KCNH1: variants seen among roughly 807,000 people sequenced by gnomAD.
The protein encoded by KCNH1 is potassium voltage-gated channel subfamily H member 1.
In KCNH1, 27 loss-of-function variants were observed where a neutral mutation model predicts 69.2. The observed-to-expected ratio is 0.39, with a 90% CI of 0.29 to 0.54. The LOEUF is 0.54. Ranked by LOEUF, KCNH1 falls within the 20% of genes least tolerant of loss-of-function variation. The probability of loss-of-function intolerance (pLI) is 0.68; values close to 1 mark genes in which losing one functional copy is unlikely to be tolerated. For missense variants in KCNH1, 798 were observed against 1,261.6 expected, an observed-to-expected ratio of 0.63 and a Z score of 5.57; for synonymous variants, 456 against 487.7, an observed-to-expected ratio of 0.93 and a Z score of 0.86.
At chr1:210,943,500 C>T (rs944618885) in intron 6 of KCNH1, among the ~76,000 whole-genome samples, 7 of 152,070 alleles carry the variant, frequency 4.6e-5, no homozygotes, top group Admixed American at 1.3e-4. Flanking sequence ...CGGCGCACAC[C>T]GCCACGCCCG....
At chr1:210,775,241 A>T in intron 10 of KCNH1, 107 bp downstream of exon 10, 1 of 919,256 alleles carries the variant, frequency 1.1e-6, no homozygotes, top group Non-Finnish European at 1.7e-6. Flanking sequence ...CTTTAGAACC[A>T]ATTACTCTAC....
At chr1:210,888,493 A>G (rs1348251639) in intron 7 of KCNH1, among the ~76,000 whole-genome samples, 2 of 152,180 alleles carry the variant, frequency 1.3e-5, no homozygotes, top group Non-Finnish European at 2.9e-5. Context: ...ATCACAATTA[A>G]AAGAACTAGA....
intron 10 of KCNH1, among the ~76,000 whole-genome samples, chr1:210,742,053 C>A (rs1211328274): frequency 6.6e-6 from 1 of 152,162 alleles, no homozygotes; most frequent in Non-Finnish European, 1.5e-5. Context: ...CAGGAAGTCA[C>A]CTGCTGGAGC....
intron 7 of KCNH1, among the ~76,000 whole-genome samples, chr1:210,914,284 T>C (rs1196662772): frequency 6.6e-6 from 1 of 152,192 alleles, no homozygotes; most frequent in East Asian, 1.9e-4. Context: ...GAGCCCACTA[T>C]GTGTTGGAAG....
At chr1:210,699,650 C>T (rs1681725709) in intron 10 of KCNH1, among the ~76,000 whole-genome samples, 2 of 152,228 alleles carry the variant, frequency 1.3e-5, no homozygotes, top group South Asian at 4.1e-4. Flanking sequence ...CCTTCCTGTG[C>T]TCCACACCCC....
intron 4 of KCNH1, among the ~76,000 whole-genome samples, chr1:211,084,833 A>C (rs1690925000): frequency 6.6e-6 from 1 of 152,216 alleles, no homozygotes; most frequent in Non-Finnish European, 1.5e-5. Flanking sequence ...TTCATGTGTT[A>C]ATTCTATAAA....
chr1:211,097,225 A>C (rs568301420), intron 3 of KCNH1, among the ~76,000 whole-genome samples: 1 of 152,346 alleles, frequency 6.6e-6, no homozygotes, highest in Admixed American at 6.5e-5. Flanking sequence ...GTGGAAAATA[A>C]GTTAGATTAT....
chr1:211,021,341 T>C (rs1231980886), intron 5 of KCNH1, among the ~76,000 whole-genome samples: 1 of 152,036 alleles, frequency 6.6e-6, no homozygotes, highest in African/African-American at 2.4e-5. Flanking sequence ...AAGACCTTAC[T>C]TGATAAACCC....
chr1:210,823,968 TTG>T (rs370600345), intron 7 of KCNH1, among the ~76,000 whole-genome samples: 92,272 of 150,364 alleles, frequency 0.61, 28,183 homozygotes, highest in East Asian at 0.76. Context: ...TTTTTACTTG[TTG>T]TTGTTGTTGT....
At chr1:210,830,575 A>G (rs907972852) in intron 7 of KCNH1, among the ~76,000 whole-genome samples, 1 of 151,876 alleles carries the variant, frequency 6.6e-6, no homozygotes, top group Non-Finnish European at 1.5e-5. Context: ...AAAAGAAACC[A>G]GCTGCTCCAT....
chr1:211,071,784 G>T (rs1690648150), intron 5 of KCNH1, among the ~76,000 whole-genome samples: 1 of 152,074 alleles, frequency 6.6e-6, no homozygotes, highest in African/African-American at 2.4e-5. Flanking sequence ...AAAATTTTCA[G>T]TATACTTATT....
intron 6 of KCNH1, among the ~76,000 whole-genome samples, chr1:210,939,098 A>G (rs1687833341): frequency 6.6e-6 from 1 of 152,140 alleles, no homozygotes; most frequent in South Asian, 2.1e-4. Flanking sequence ...GCCCTCCTCT[A>G]GGCTCCCATG....
At chr1:210,999,561 T>A (rs1689127318) in intron 6 of KCNH1, among the ~76,000 whole-genome samples, 1 of 152,190 alleles carries the variant, frequency 6.6e-6, no homozygotes, top group African/African-American at 2.4e-5. Flanking sequence ...CCAGATGGGT[T>A]CACAGCCAAA....
intron 10 of KCNH1, among the ~76,000 whole-genome samples, chr1:210,754,879 C>G (rs1366531998): frequency 1.4e-5 from 2 of 148,002 alleles, no homozygotes; most frequent in South Asian, 4.4e-4. Flanking sequence ...CACACACACA[C>G]AGACACATAC....
At chr1:210,779,759 G>T (rs1383643288) in intron 9 of KCNH1, among the ~76,000 whole-genome samples, 1 of 152,108 alleles carries the variant, frequency 6.6e-6, no homozygotes, top group East Asian at 1.9e-4. Flanking sequence ...AGGAAAGGCA[G>T]CCTAATTAAA....
intron 7 of KCNH1, among the ~76,000 whole-genome samples, chr1:210,879,635 A>C (rs892045502): frequency 1.3e-5 from 2 of 152,038 alleles, no homozygotes; most frequent in Non-Finnish European, 2.9e-5. Flanking sequence ...TCTACAAAAA[A>C]CCTAAAGCTA....
intron 6 of KCNH1, among the ~76,000 whole-genome samples, chr1:211,003,134 C>T (rs1313484635): frequency 6.6e-6 from 1 of 152,060 alleles, no homozygotes; most frequent in Non-Finnish European, 1.5e-5. Flanking sequence ...GCACACACAG[C>T]CTAAACAAAT....
At chr1:210,915,422 T>A (rs1307238840) in intron 7 of KCNH1, among the ~76,000 whole-genome samples, 4 of 152,190 alleles carry the variant, frequency 2.6e-5, no homozygotes, top group Admixed American at 2.6e-4. Context: ...AGGGCTGGCA[T>A]GGCCTTGTGT....
chr1:210,776,988 C>A (rs1417681370), intron 9 of KCNH1, among the ~76,000 whole-genome samples: 1 of 152,090 alleles, frequency 6.6e-6, no homozygotes, highest in Admixed American at 6.5e-5. Flanking sequence ...ATTTGAATCC[C>A]CAGGGAGCCA....
Sources: allele counts gnomAD v4.1 joint callset (sites outside exome capture counted in the v4.1 genomes callset), GRCh38; gene constraint gnomAD v4.1.1; transcripts MANE v1.5; gene names NCBI Gene and HGNC (gene_info 2026-07-23, HGNC 2026-07-21).